ISM1: variants seen among roughly 807,000 people sequenced by gnomAD.
ISM1 encodes isthmin 1.
Under a neutral mutation model 46.3 loss-of-function variants are expected in ISM1, and 25 were observed. That is an observed-to-expected ratio of 0.54 (90% CI 0.39 to 0.75). The LOEUF is 0.75. Ranked by LOEUF, ISM1 falls within the 30% of genes least tolerant of loss-of-function variation. The pLI, the probability that ISM1 is intolerant of heterozygous loss-of-function variation, is 0.00. For missense variants in ISM1, 536 were observed against 625.4 expected, an observed-to-expected ratio of 0.86 and a Z score of 1.52; for synonymous variants, 255 against 256.7, an observed-to-expected ratio of 0.99 and a Z score of 0.06.
Position 13,225,069 on chromosome 20 carries a change from G to A in ISM1, c.138+3155G>A, listed in dbSNP as rs377454632. On this transcript the variant is annotated intron_variant, in intron 1 of 5. Transcript: ENST00000262487. The stretch of plus-strand genomic sequence containing the variant: ...GGGGTTTCACCGTGTTAGCCAGGAT[G>A]GTCTCACTCTCCTGACCTCATGATC... 5.7e-4 allele frequency among the ~76,000 whole-genome samples: 85 copies of A among 149,462 alleles called. 1 individual carries two copies. The East Asian group carries it at 0.013, about 22-fold the overall frequency.
the ISM1 span, among the ~76,000 whole-genome samples, chr20:13,308,086 G>A: frequency 1.3e-5 from 2 of 152,168 alleles, no homozygotes; most frequent in Admixed American, 1.3e-4. Context: ...CCCCTTCACT[G>A]TCTTTCCTGA....
intron 1 of ISM1, among the ~76,000 whole-genome samples, chr20:13,224,846 T>TC (rs1289453316): frequency 2.1e-5 from 3 of 140,736 alleles, no homozygotes; most frequent in Non-Finnish European, 4.6e-5. Context: ...TCTTTCTTTT[T>TC]TTTTTTTTTT....
intron 1 of ISM1, among the ~76,000 whole-genome samples, chr20:13,267,340 G>A (rs943306206): frequency 4.6e-5 from 7 of 152,184 alleles, no homozygotes; most frequent in Non-Finnish European, 5.9e-5. Flanking sequence ...ATGGAGAAAT[G>A]CCACAGTTGT....
chr20:13,318,823 GC>G, the ISM1 span, among the ~76,000 whole-genome samples: 1 of 152,164 alleles, frequency 6.6e-6, no homozygotes, highest in Non-Finnish European at 1.5e-5. Flanking sequence ...TCTAGAAAAG[GC>G]AAAACTATGA....
intron 2 of ISM1, among the ~76,000 whole-genome samples, chr20:13,274,084 TGC>T (rs2040147127): frequency 6.6e-6 from 1 of 152,028 alleles, no homozygotes; most frequent in Non-Finnish European, 1.5e-5. Flanking sequence ...TGTGTATGTG[TGC>T]ATGTGCATGC....
At chr20:13,283,880 A>G (rs1223154881) in intron 3 of ISM1, among the ~76,000 whole-genome samples, 1 of 152,234 alleles carries the variant, frequency 6.6e-6, no homozygotes, top group African/African-American at 2.4e-5. Flanking sequence ...TTTCCTTTAT[A>G]ATGTTTAATT....
At chr20:13,313,368 T>C in the ISM1 span, among the ~76,000 whole-genome samples, 1 of 152,250 alleles carries the variant, frequency 6.6e-6, no homozygotes, top group Non-Finnish European at 1.5e-5. Context: ...AGACTGTAGC[T>C]TACTCTTGTG....
At chr20:13,250,867 G>A (rs1490145229) in intron 1 of ISM1, among the ~76,000 whole-genome samples, 1 of 152,212 alleles carries the variant, frequency 6.6e-6, no homozygotes, top group African/African-American at 2.4e-5. Context: ...ATGTTGGGTG[G>A]TTTGGGATGA....
intron 5 of ISM1, among the ~76,000 whole-genome samples, chr20:13,294,740 T>C (rs963637026): frequency 3.9e-5 from 6 of 152,154 alleles, no homozygotes; most frequent in Non-Finnish European, 7.3e-5. Flanking sequence ...AGCCACAGCC[T>C]ATCCCAGCTG....
the ISM1 span, among the ~76,000 whole-genome samples, chr20:13,319,361 C>G: frequency 6.6e-6 from 1 of 152,088 alleles, no homozygotes; most frequent in Admixed American, 6.5e-5. Flanking sequence ...TACTGCTAAT[C>G]AGAAACTGGA....
chr20:13,254,664 CATG>C (rs1458210524), intron 1 of ISM1, among the ~76,000 whole-genome samples: 1 of 152,186 alleles, frequency 6.6e-6, no homozygotes, highest in Non-Finnish European at 1.5e-5. Flanking sequence ...GGGCACTACC[CATG>C]ATATCACTCA....
At chr20:13,231,920 A>G (rs1365865679) in intron 1 of ISM1, among the ~76,000 whole-genome samples, 1 of 152,214 alleles carries the variant, frequency 6.6e-6, no homozygotes, top group East Asian at 1.9e-4. Flanking sequence ...TCTGGACACC[A>G]CTTATCTATT....
chr20:13,324,014 T>G, the ISM1 span, among the ~76,000 whole-genome samples: 1 of 152,226 alleles, frequency 6.6e-6, no homozygotes, highest in South Asian at 2.1e-4. Flanking sequence ...TCTATCTCCC[T>G]TCCTATAAGG....
downstream of ISM1, among the ~76,000 whole-genome samples, chr20:13,304,560 CAT>C (rs1196162621): frequency 6.6e-6 from 1 of 152,228 alleles, no homozygotes; most frequent in East Asian, 1.9e-4. Context: ...GCAGCTCCCA[CAT>C]GTCTTTGCCT....
At chr20:13,296,259 C>A (rs2040405935) in intron 5 of ISM1, among the ~76,000 whole-genome samples, 1 of 152,174 alleles carries the variant, frequency 6.6e-6, no homozygotes, top group Non-Finnish European at 1.5e-5. Flanking sequence ...TGAGGTCTTT[C>A]TCTGGACCCG....
chr20:13,321,253 T>TAAAGAAAAAAAAAAAAAA, the ISM1 span, among the ~76,000 whole-genome samples: 1 of 57,522 alleles, frequency 1.7e-5, no homozygotes, highest in Non-Finnish European at 3.2e-5. Context: ...GTGCCCCACA[T>TAAAGAAAAAAAAAAAAAA]AAAAAAAAAA....
intron 1 of ISM1, among the ~76,000 whole-genome samples, chr20:13,268,445 A>T (rs1346984522): frequency 1.4e-5 from 2 of 141,462 alleles, no homozygotes; most frequent in Non-Finnish European, 1.5e-5. Flanking sequence ...CCTCTGTTGC[A>T]TTGAGTAATG....
chr20:13,315,551 A>G, the ISM1 span, among the ~76,000 whole-genome samples: 6 of 152,024 alleles, frequency 3.9e-5, no homozygotes, highest in Non-Finnish European at 5.9e-5. Flanking sequence ...AAACTAATAG[A>G]CTGCAAAAAG....
At chr20:13,281,574 C>T (rs2040238597) in intron 3 of ISM1, among the ~76,000 whole-genome samples, 1 of 152,170 alleles carries the variant, frequency 6.6e-6, no homozygotes, top group Admixed American at 6.5e-5. Context: ...AGGGCTAAGA[C>T]CTGAGATTCA....
Sources: gnomAD v4.1 joint callset for allele counts (sites outside exome capture counted in the v4.1 genomes callset) on GRCh38, gnomAD v4.1.1 for gene constraint, MANE v1.5 for transcripts, NCBI Gene and HGNC (gene_info 2026-07-23, HGNC 2026-07-21) for gene names.